EPB41L4A: variants seen among roughly 807,000 people sequenced by gnomAD.
The protein encoded by EPB41L4A is band 4.1-like protein 4A.
A neutral mutation model predicts 108.6 loss-of-function variants in EPB41L4A; 100 were observed. The ratio of observed to expected loss-of-function variants is 0.92; its 90% CI spans 0.78 to 1.09. The LOEUF (loss-of-function observed/expected upper bound fraction) is 1.09, where lower values mean the gene tolerates loss of function less well. Among genes scored for constraint, EPB41L4A ranks in the 50% least tolerant of loss-of-function variants. EPB41L4A has a pLI of 0.00. For synonymous variants in EPB41L4A, 319 were observed against 289.0 expected, an observed-to-expected ratio of 1.10 and a Z score of -1.05; for missense variants, 1,030 against 842.7, an observed-to-expected ratio of 1.22 and a Z score of -2.75.
At chr5:112,209,166 A>G (rs1032788972) in intron 13 of EPB41L4A, among the ~76,000 whole-genome samples, 9 of 152,246 alleles carry the variant, frequency 5.9e-5, no homozygotes, top group Non-Finnish European at 8.8e-5. Context: ...CAGGTCACAT[A>G]TCTCTGATTG....
intron 1 of EPB41L4A, among the ~76,000 whole-genome samples, chr5:112,407,697 A>T (rs1445233675): frequency 6.6e-6 from 1 of 152,222 alleles, no homozygotes; most frequent in Non-Finnish European, 1.5e-5. Flanking sequence ...TACAAGAACC[A>T]AAGCCAAATC....
intron 1 of EPB41L4A, among the ~76,000 whole-genome samples, chr5:112,370,101 T>G (rs537251282): frequency 0.033 from 5,042 of 152,214 alleles, 290 homozygotes; most frequent in African/African-American, 0.12. Flanking sequence ...CACAGCTCAC[T>G]GCAGCCTCAG....
intron 1 of EPB41L4A, among the ~76,000 whole-genome samples, chr5:112,387,868 T>C (rs1760667385): frequency 1.3e-5 from 2 of 152,202 alleles, no homozygotes; most frequent in African/African-American, 4.8e-5. Context: ...GCCTTACATT[T>C]ATGCAGAAGT....
chr5:112,387,788 C>T (rs1760662552), intron 1 of EPB41L4A, among the ~76,000 whole-genome samples: 1 of 152,068 alleles, frequency 6.6e-6, no homozygotes, highest in South Asian at 2.1e-4. Context: ...GTATATAAAA[C>T]AGGTTTGTTA....
intron 12 of EPB41L4A, 40 bp downstream of exon 12, chr5:112,234,594 A>G: frequency 6.2e-7 from 1 of 1,600,778 alleles, no homozygotes. Flanking sequence ...CCTAAAGGAA[A>G]ACAAGGTTAC....
intron 12 of EPB41L4A, among the ~76,000 whole-genome samples, chr5:112,223,825 T>G (rs1748251576): frequency 6.6e-6 from 1 of 152,156 alleles, no homozygotes; most frequent in Admixed American, 6.5e-5. Flanking sequence ...TAACTATGAG[T>G]TAACCAAACA....
At chr5:112,328,880 T>G (rs1240894335) in intron 1 of EPB41L4A, among the ~76,000 whole-genome samples, 1 of 152,270 alleles carries the variant, frequency 6.6e-6, no homozygotes, top group East Asian at 1.9e-4. Context: ...AACTCCTAAA[T>G]CACAAGTTTT....
chr5:112,227,663 C>G (rs1580474196), intron 12 of EPB41L4A, among the ~76,000 whole-genome samples: 1 of 152,210 alleles, frequency 6.6e-6, no homozygotes, highest in African/African-American at 2.4e-5. Flanking sequence ...CCTCTGCCTT[C>G]AAAACACAGA....
chr5:112,304,402 T>G (rs1040841535), intron 2 of EPB41L4A, among the ~76,000 whole-genome samples: 2 of 152,128 alleles, frequency 1.3e-5, no homozygotes, highest in East Asian at 1.9e-4. Flanking sequence ...ATGAGAGACC[T>G]ACATCCCCAA....
At chr5:112,232,888 G>C (rs933738252) in intron 12 of EPB41L4A, among the ~76,000 whole-genome samples, 1 of 152,184 alleles carries the variant, frequency 6.6e-6, no homozygotes, top group African/African-American at 2.4e-5. Flanking sequence ...ATCTGTGAAA[G>C]GACACTGGAG....
intron 9 of EPB41L4A, among the ~76,000 whole-genome samples, chr5:112,241,875 C>T (rs1749807376): frequency 6.6e-6 from 1 of 152,002 alleles, no homozygotes; most frequent in Admixed American, 6.5e-5. Flanking sequence ...CTTCCTAGAG[C>T]AGGTAAAAGT....
intron 1 of EPB41L4A, among the ~76,000 whole-genome samples, chr5:112,373,165 G>A (rs1054406366): frequency 6.6e-6 from 1 of 152,204 alleles, no homozygotes; most frequent in Non-Finnish European, 1.5e-5. Context: ...AAGTGAGGAT[G>A]CTCCCATTTC....
intron 1 of EPB41L4A, among the ~76,000 whole-genome samples, chr5:112,338,821 C>T (rs1267425402): frequency 6.6e-6 from 1 of 152,114 alleles, no homozygotes; most frequent in Non-Finnish European, 1.5e-5. Flanking sequence ...TGGCAGAGTC[C>T]AAGAGGTGCA....
intron 1 of EPB41L4A, among the ~76,000 whole-genome samples, chr5:112,390,465 G>T (rs763845234): frequency 1.3e-5 from 2 of 152,130 alleles, no homozygotes; most frequent in South Asian, 4.1e-4. Flanking sequence ...GTCCGAGATC[G>T]AGCTGTGAGC....
At chr5:112,389,349 C>T (rs1760777333) in intron 1 of EPB41L4A, among the ~76,000 whole-genome samples, 3 of 152,124 alleles carry the variant, frequency 2.0e-5, no homozygotes, top group Non-Finnish European at 4.4e-5. Flanking sequence ...CTACACTAGG[C>T]CCCAACAGAC....
intron 17 of EPB41L4A, among the ~76,000 whole-genome samples, chr5:112,191,206 C>T (rs1408770479): frequency 4.6e-5 from 7 of 151,978 alleles, no homozygotes; most frequent in African/African-American, 1.5e-4. Flanking sequence ...AAAACATAAA[C>T]GATGTCCCAA....
intron 9 of EPB41L4A, 30 bp downstream of exon 9, chr5:112,259,199 C>G (rs1751323166): frequency 1.9e-6 from 3 of 1,560,074 alleles, no homozygotes; most frequent in Admixed American, 1.7e-5. Flanking sequence ...CACCCCTCTT[C>G]TAATTTAAGC....
intron 1 of EPB41L4A, among the ~76,000 whole-genome samples, chr5:112,403,350 A>G (rs536411883): frequency 6.6e-6 from 1 of 152,218 alleles, no homozygotes; most frequent in African/African-American, 2.4e-5. Flanking sequence ...AAAAAAAAAA[A>G]AAAGGCAAGT....
At chr5:112,399,480 C>A (rs540115611) in intron 1 of EPB41L4A, among the ~76,000 whole-genome samples, 3 of 152,214 alleles carry the variant, frequency 2.0e-5, no homozygotes, top group Non-Finnish European at 2.9e-5. Context: ...CACTGCCTGG[C>A]ACCTGGAAGG....
Sources: allele counts gnomAD v4.1 joint callset (sites outside exome capture counted in the v4.1 genomes callset), GRCh38; gene constraint gnomAD v4.1.1; transcripts MANE v1.5; gene names NCBI Gene and HGNC (gene_info 2026-07-23, HGNC 2026-07-21).